Variants in OR6A2 observed in about 807,000 individuals in gnomAD.
The protein encoded by OR6A2 is olfactory receptor 6A2.
In OR6A2, 6 loss-of-function variants were observed where a neutral mutation model predicts 7.1. That is an observed-to-expected ratio of 0.85 (90% CI 0.46 to 1.68). OR6A2 has a LOEUF of 1.68. Among genes scored for constraint, OR6A2 ranks in the 40% most tolerant of loss-of-function variants. OR6A2 has a pLI of 0.01. For synonymous variants in OR6A2, 162 were observed against 152.1 expected (o/e 1.06, Z -0.48); for missense variants, 431 against 398.0 (o/e 1.08, Z -0.71).
At position 6,792,320 on chromosome 11, in the gene OR6A2, G is replaced by A. The variant is rs1469203838; in HGVS notation, c.*2405C>T. The A allele has an allele frequency of 6.6e-6, 1 of 152,104 alleles. No homozygotes were observed. Among genetic ancestry groups the A allele is most frequent in the East Asian group, 1.9e-4 (1 of 5,196 alleles). 9.4% of individuals were successfully genotyped at this position (152,104 alleles called of 1,614,324 possible). A position where few individuals can be genotyped will look rare whatever the true frequency, so the allele number is the denominator to read the frequency against. On this transcript the variant is annotated 3_prime_UTR_variant, in exon 2 of 2. Transcript: ENST00000641196. ...GTAGTGGACAAAAAATTAAAATAAG[G>A]ACAAAAAGGAAAATTAAGAATGTGC...
chr11:6,795,278 C>T lies in OR6A2; in HGVS notation c.431G>A (p.Arg144Gln), dbSNP rs144259936. The change falls in exon 2 of 2, where the codon CGG becomes CAG. Residue 144 changes from arginine (R) to glutamine (Q), a missense_variant. Physicochemically the swap from Arg to Gln is conservative, Grantham distance 43. Coordinates refer to ENST00000641196, the MANE Select transcript of OR6A2 (RefSeq NM_003696.3). ...GCCAGCAGCCATCTGCACACACAGC[C>T]GGCCACTGACAATGACTGGGTAGTG... ...PLHYPVIVSGRLCVQMAAGSW... is the reference protein window; with the variant it reads ...PLHYPVIVSGQLCVQMAAGSW... 3.5e-5 allele frequency: 56 copies of T among 1,613,882 alleles called. No individual in the cohort carries two copies. The highest frequency in any genetic ancestry group is 1.2e-4 in the African/African-American group (9 of 74,878).
In OR6A2 at chr11:6,795,779, C is replaced by T. The variant is rs1847743545; in HGVS notation, c.-71G>A. ...TCTTCAGTAGGCCACAACAAGAACC[C>T]AGCCTTTCTCTTAATGGGCTTATAT... On this transcript the variant is annotated 5_prime_UTR_variant, in exon 2 of 2. Transcript: ENST00000641196. 1 of 1,444,392 alleles carries T rather than the reference C, an allele frequency of 6.9e-7. No homozygotes were observed. The highest frequency in any genetic ancestry group is 9.6e-7 in the Non-Finnish European group (1 of 1,043,770). 89.5% of individuals were successfully genotyped at this position (1,444,392 alleles called of 1,614,324 possible). A position where few individuals can be genotyped will look rare whatever the true frequency, so the allele number is the denominator to read the frequency against.
rs1564904611 is a variant in OR6A2 at position 6,794,984 on chromosome 11, G to C, written c.725C>G (p.Ala242Gly). ...GAGATGAGAGGCACAGGTGGAAAAG[G>C]CCTTATAGCGTCCAGCAGCCGAAGG... is the stretch of plus-strand genomic sequence containing the variant. ...HIPSAAGRYKAFSTCASHLTV... is the reference protein window; with the variant it reads ...HIPSAAGRYKGFSTCASHLTV... Residue 242 changes from alanine (A) to glycine (G), a missense_variant, in exon 2 of 2, where the codon GCC (alanine) becomes GGC (glycine). Transcript: ENST00000641196. 1.9e-6 allele frequency: 3 copies of C among 1,614,002 alleles called. No individual in the cohort carries two copies. The highest frequency in any genetic ancestry group is 2.5e-6 in the Non-Finnish European group (3 of 1,180,020).
chr11:6,794,569 C>G lies in OR6A2; in HGVS notation c.*156G>C. 1.0e-6 allele frequency: 1 copy of G among 955,464 alleles called. No individual in the cohort carries two copies. The allele number at this position is 955,464 out of a possible 1,614,324, so 59.2% of individuals were successfully genotyped here. A position where few individuals can be genotyped will look rare whatever the true frequency, so the allele number is the denominator to read the frequency against. Reference sequence around the variant, plus strand: ...TTTCTAGCTTGCAACCTATTCCTCTCTCTCCTCTTGGACTAGTTAAAGAAA... The same window carrying G: ...TTTCTAGCTTGCAACCTATTCCTCTGTCTCCTCTTGGACTAGTTAAAGAAA... On this transcript the variant is annotated 3_prime_UTR_variant, in exon 2 of 2. Transcript: ENST00000641196.
chr11:6,792,547 G>A lies in OR6A2; in HGVS notation c.*2178C>T, dbSNP rs1847699751. The stretch of plus-strand genomic sequence containing the variant: ...ATGCAAGAGACTAGAAGCTTCTCCA[G>A]ATACTGTATTAGCAAAGGGGAATTA... On this transcript the variant is annotated 3_prime_UTR_variant, in exon 2 of 2. Transcript: ENST00000641196. 4 of 152,124 alleles carry A rather than the reference G, an allele frequency of 2.6e-5. No individual in the cohort carries two copies. Among genetic ancestry groups the A allele is most frequent in the African/African-American group, 9.7e-5 (4 of 41,422 alleles). The allele number at this position is 152,124 out of a possible 1,614,324, so 9.4% of individuals were successfully genotyped here.
intron 1 of OR6A2, among the ~76,000 whole-genome samples, chr11:6,797,399 A>G (rs748042734): frequency 5.3e-5 from 8 of 152,174 alleles, no homozygotes; most frequent in Non-Finnish European, 1.2e-4. Context: ...ATGTACATAC[A>G]TAGATAAGTG....
rs1847709256 is a variant in OR6A2, at chr11:6,793,247, T to C, written c.*1478A>G. ...GCACAAATAGATATGCACATTATAT[T>C]AAAACTTTTAATAAGTATGGGCTAG... On this transcript the variant is annotated 3_prime_UTR_variant, in exon 2 of 2. Transcript: ENST00000641196. 1 of 152,232 alleles carries C rather than the reference T, an allele frequency of 6.6e-6. No individual in the cohort carries two copies. The highest frequency in any genetic ancestry group is 1.5e-5 in the Non-Finnish European group (1 of 68,042). The allele number at this position is 152,232 out of a possible 1,614,324, so 9.4% of individuals were successfully genotyped here.
rs1847748727 is a variant in OR6A2, at chr11:6,796,263, T to C, written c.-176-379A>G. Reference sequence around the variant, plus strand: ...CTTGTGGGCTAGTACTACTAATAGCTACAACTGTATGCCTAAAAAAACTGA... The same window carrying C: ...CTTGTGGGCTAGTACTACTAATAGCCACAACTGTATGCCTAAAAAAACTGA... On this transcript the variant is annotated intron_variant, in intron 1 of 1. Coordinates refer to ENST00000641196, the MANE Select transcript of OR6A2 (RefSeq NM_003696.3). Among the ~76,000 whole-genome samples the C allele has an allele frequency of 2.0e-5, 3 of 152,200 alleles. No individual in the cohort carries two copies. In the South Asian group the frequency reaches 6.2e-4, roughly 31 times the overall value.
intron 1 of OR6A2, among the ~76,000 whole-genome samples, chr11:6,798,408 A>G (rs1026049201): frequency 3.3e-5 from 5 of 152,152 alleles, no homozygotes; most frequent in East Asian, 3.9e-4. Context: ...CTTCTGTCCT[A>G]TTTCTACTGC....
chr11:6,796,119 A>T (rs989304009), intron 1 of OR6A2, among the ~76,000 whole-genome samples: 3 of 152,166 alleles, frequency 2.0e-5, no homozygotes, highest in African/African-American at 7.2e-5. Flanking sequence ...AAGTTACACA[A>T]TGGAGGAATA....
At chr11:6,798,595 A>G (rs1440616662) in intron 1 of OR6A2, among the ~76,000 whole-genome samples, 1 of 152,212 alleles carries the variant, frequency 6.6e-6, no homozygotes, top group African/African-American at 2.4e-5. Context: ...AGTTTTTGAG[A>G]ACACATACAA....
rs774958230 is a variant in OR6A2, at chr11:6,794,878, C to A, written c.831G>T (p.Lys277Asn). 1 of 1,614,096 alleles carries A rather than the reference C, an allele frequency of 6.2e-7. No homozygotes were observed. Among genetic ancestry groups the A allele is most frequent in the South Asian group, 1.1e-5 (1 of 91,072 alleles). ...PKALSAFDTN[K>N]LVSVLYAVIV... ...TGACAGCATACAGTACAGAGACCAA[C>A]TTGTTGGTGTCAAAAGCTGAGAGTG... Residue 277 changes from lysine (K) to asparagine (N), a missense_variant, in exon 2 of 2, where the codon AAG (lysine) becomes AAT (asparagine). Lys to Asn is a moderately conservative substitution (Grantham distance 94, BLOSUM62 0). Coordinates refer to ENST00000641196, the MANE Select transcript of OR6A2 (RefSeq NM_003696.3).
In OR6A2 at chr11:6,795,132, A is replaced by T. The variant is rs1426639011; in HGVS notation, c.577T>A (p.Ser193Thr). The stretch of plus-strand genomic sequence containing the variant: ...TCTGCTGTGGACATATCAGTGCATG[A>T]GAGGTTGAGCAATGGAGAGACATCA... The part of the protein sequence containing the change: ...FCDVSPLLNL[S>T]CTDMSTAELT... Residue 193 changes from serine (S) to threonine (T), a missense_variant, in exon 2 of 2, where the codon TCA (serine) becomes ACA (threonine). Coordinates refer to ENST00000641196, the MANE Select transcript of OR6A2 (RefSeq NM_003696.3). 1.9e-6 allele frequency: 3 copies of T among 1,614,038 alleles called. No homozygotes were observed. The highest frequency in any genetic ancestry group is 2.7e-5 in the African/African-American group (2 of 74,928).
rs148220752 is a variant in OR6A2 at position 6,795,512 on chromosome 11, T to C, written c.197A>G (p.Asn66Ser). The change falls in exon 2 of 2, where the codon AAT becomes AGT. Residue 66 changes from asparagine (N) to serine (S), a missense_variant. Asn to Ser is a conservative substitution (Grantham distance 46). Coordinates refer to ENST00000641196, the MANE Select transcript of OR6A2 (RefSeq NM_003696.3). ...ATACCAGATCTCCAGAAAGGACATA[T>C]TAGCTAGAAAAAAGTACATGGGTTT... ...LHKPMYFFLA[N>S]MSFLEIWYVT... 42 of 1,614,030 alleles carry C rather than the reference T, an allele frequency of 2.6e-5. No individual in the cohort carries two copies. In the African/African-American group the frequency reaches 4.5e-4, roughly 17 times the overall value.
Position 6,795,214 on chromosome 11 carries a change from A to T in OR6A2, c.495T>A (p.Val165=). The change falls in exon 2 of 2, where the codon GTT becomes GTA. Residue 165 remains valine (V), a synonymous_variant. Coordinates refer to ENST00000641196, the MANE Select transcript of OR6A2 (RefSeq NM_003696.3). The part of the protein sequence containing the change: ...AGGFGISMVK[V]FLISGLSYCG... ...AGTAAGAGAGGCCAGAAATAAGAAA[A>T]ACTTTGACCATGGAGATGCCAAAAC... 1 of 1,614,050 alleles carries T rather than the reference A, an allele frequency of 6.2e-7. No homozygotes were observed. The highest frequency in any genetic ancestry group is 8.5e-7 in the Non-Finnish European group (1 of 1,180,000).
rs146330516 is a variant in OR6A2, at chr11:6,794,250, G to A, written c.*475C>T. On this transcript the variant is annotated 3_prime_UTR_variant, in exon 2 of 2. Transcript: ENST00000641196. ...CAGCCACTAGTTCAATGTGGACACT[G>A]ACCACAGTAAATTTGAAAATAAACC... The A allele has an allele frequency of 3.0e-3, 487 of 159,906 alleles. 3 individuals carry two copies. Among genetic ancestry groups the A allele is most frequent in the African/African-American group, 0.011 (459 of 41,588 alleles). The allele number at this position is 159,906 out of a possible 1,614,324, so 9.9% of individuals were successfully genotyped here.
In OR6A2 at chr11:6,793,823, T is replaced by C. The variant is rs1847715462; in HGVS notation, c.*902A>G. 6.6e-6 allele frequency: 1 copy of C among 152,210 alleles called. No individual in the cohort carries two copies. The highest frequency in any genetic ancestry group is 1.5e-5 in the Non-Finnish European group (1 of 68,022). The allele number at this position is 152,210 out of a possible 1,614,324, so 9.4% of individuals were successfully genotyped here. Reference sequence around the variant, plus strand: ...GTGCCCTGTTTGCGAAAGTTGAGCATATTTTGCTTATTTCCTTTCCTTGTT... The same window carrying C: ...GTGCCCTGTTTGCGAAAGTTGAGCACATTTTGCTTATTTCCTTTCCTTGTT... On this transcript the variant is annotated 3_prime_UTR_variant, in exon 2 of 2. Transcript: ENST00000641196.
Position 6,793,678 on chromosome 11 carries a change from T to A in OR6A2, c.*1047A>T, listed in dbSNP as rs1413697460. ...GGCTGATATTTTTGATACTGTTATATAACATAATATTTTTATTAAGTTAGA... is the reference window on the plus strand; with the variant it reads ...GGCTGATATTTTTGATACTGTTATAAAACATAATATTTTTATTAAGTTAGA... On this transcript the variant is annotated 3_prime_UTR_variant, in exon 2 of 2. Coordinates refer to ENST00000641196, the MANE Select transcript of OR6A2 (RefSeq NM_003696.3). 1.3e-5 allele frequency: 2 copies of A among 152,192 alleles called. No individual in the cohort carries two copies. Among genetic ancestry groups the A allele is most frequent in the Non-Finnish European group, 2.9e-5 (2 of 68,038 alleles). 9.4% of individuals were successfully genotyped at this position (152,192 alleles called of 1,614,324 possible).
chr11:6,798,123 C>T (rs377030344), intron 1 of OR6A2, among the ~76,000 whole-genome samples: 7 of 152,156 alleles, frequency 4.6e-5, no homozygotes, highest in Non-Finnish European at 8.8e-5. Flanking sequence ...TGGTTCCACA[C>T]GTCCTTAATG....
Sources: allele counts gnomAD v4.1 joint callset (sites outside exome capture counted in the v4.1 genomes callset), GRCh38; gene constraint gnomAD v4.1.1; transcripts MANE v1.5; gene names NCBI Gene and HGNC (gene_info 2026-07-23, HGNC 2026-07-21).